The following FTCDNL1 variants were observed in gnomAD, a reference collection of about 807,000 sequenced individuals.
FTCDNL1 encodes formiminotransferase N-terminal subdomain-containing protein.
Under a neutral mutation model 5.9 loss-of-function variants are expected in FTCDNL1, and 11 were observed. The ratio of observed to expected loss-of-function variants is 1.87; its 90% CI spans 1.18 to 3.10. FTCDNL1 has a LOEUF of 3.10. Ranked by LOEUF, FTCDNL1 falls within the 30% of genes most tolerant of loss-of-function variation. The probability of loss-of-function intolerance (pLI) is 0.00; values close to 1 mark genes in which losing one functional copy is unlikely to be tolerated. For missense variants in FTCDNL1, 115 were observed against 65.5 expected, an observed-to-expected ratio of 1.76 and a Z score of -2.61; for synonymous variants, 58 against 24.8, an observed-to-expected ratio of 2.34 and a Z score of -3.99.
chr2:199,808,404 T>C (rs1416245824), downstream of FTCDNL1, among the ~76,000 whole-genome samples: 1 of 152,244 alleles, frequency 6.6e-6, no homozygotes, highest in Non-Finnish European at 1.5e-5. Context: ...TAAAACACAA[T>C]GTGCATAACA....
At chr2:199,696,559 A>T in the FTCDNL1 span, among the ~76,000 whole-genome samples, 2 of 152,070 alleles carry the variant, frequency 1.3e-5, no homozygotes, top group Admixed American at 1.3e-4. Flanking sequence ...GCCACCTGAA[A>T]TTGTGCAGAA....
the FTCDNL1 span, among the ~76,000 whole-genome samples, chr2:199,741,535 A>C: frequency 1.3e-5 from 2 of 152,204 alleles, no homozygotes; most frequent in Non-Finnish European, 2.9e-5. Flanking sequence ...CAGAATAATT[A>C]TTATACTTAC....
chr2:199,728,176 C>T, the FTCDNL1 span, among the ~76,000 whole-genome samples: 1 of 152,158 alleles, frequency 6.6e-6, no homozygotes, highest in Non-Finnish European at 1.5e-5. Flanking sequence ...AAATCACTTA[C>T]AATCTATTAG....
chr2:199,817,229 C>G (rs1404834179), intron 4 of FTCDNL1, among the ~76,000 whole-genome samples: 1 of 152,142 alleles, frequency 6.6e-6, no homozygotes, highest in African/African-American at 2.4e-5. Context: ...ATCTAGAATT[C>G]CTGAAAGGCA....
intron 3 of FTCDNL1, among the ~76,000 whole-genome samples, chr2:199,794,850 G>A (rs1453984459): frequency 6.6e-6 from 1 of 152,168 alleles, no homozygotes; most frequent in Non-Finnish European, 1.5e-5. Flanking sequence ...CTGCACTCCA[G>A]TCCAGCCTGG....
chr2:199,704,429 G>C, the FTCDNL1 span, among the ~76,000 whole-genome samples: 2 of 152,192 alleles, frequency 1.3e-5, no homozygotes, highest in African/African-American at 4.8e-5. Context: ...AGGGAAGACT[G>C]GGGGGAAGAG....
the FTCDNL1 span, among the ~76,000 whole-genome samples, chr2:199,692,088 G>A: frequency 6.6e-6 from 1 of 152,098 alleles, no homozygotes; most frequent in Non-Finnish European, 1.5e-5. Context: ...GACCAAGAAT[G>A]GCAAAAGATG....
the FTCDNL1 span, among the ~76,000 whole-genome samples, chr2:199,709,733 A>C: frequency 2.9e-4 from 44 of 152,204 alleles, 1 homozygote; most frequent in African/African-American, 1.1e-3. Context: ...GGAGGTGAGA[A>C]AGCAGAGACA....
the FTCDNL1 span, among the ~76,000 whole-genome samples, chr2:199,708,618 T>A: frequency 6.6e-6 from 1 of 152,124 alleles, no homozygotes; most frequent in Non-Finnish European, 1.5e-5. Context: ...TATAGCAGCC[T>A]TTTCTCCAGG....
At chr2:199,823,047 A>C (rs1450547842) in intron 3 of FTCDNL1, among the ~76,000 whole-genome samples, 1 of 152,100 alleles carries the variant, frequency 6.6e-6, no homozygotes, top group African/African-American at 2.4e-5. Context: ...GATGGGTTTC[A>C]CTATGTTGGC....
the FTCDNL1 span, among the ~76,000 whole-genome samples, chr2:199,745,130 T>C: frequency 2.6e-5 from 4 of 152,246 alleles, no homozygotes; most frequent in Admixed American, 6.5e-5. Context: ...CAAATGCAGA[T>C]TGCCACTTCA....
intron 3 of FTCDNL1, among the ~76,000 whole-genome samples, chr2:199,830,717 C>A (rs376223663): frequency 3.2e-4 from 48 of 152,278 alleles, no homozygotes; most frequent in African/African-American, 1.1e-3. Context: ...CGCAATATTC[C>A]TCCCCCACAT....
chr2:199,765,556 A>ATATTTTTTTTTTTTTTTTTTTTTTTTT, intron 3 of FTCDNL1, among the ~76,000 whole-genome samples: 3 of 42,664 alleles, frequency 7.0e-5, no homozygotes, highest in Middle Eastern at 0.022. Flanking sequence ...ATATATATAT[A>ATATTTTTTTTTTTTTTTTTTTTTTTTT]TTTTTTTTTT....
chr2:199,728,250 AC>A, the FTCDNL1 span, among the ~76,000 whole-genome samples: 1 of 150,202 alleles, frequency 6.7e-6, no homozygotes, highest in African/African-American at 2.5e-5. Context: ...TTCCATGGTA[AC>A]TTTTTTTTTT....
At chr2:199,706,202 A>G in the FTCDNL1 span, among the ~76,000 whole-genome samples, 2 of 152,184 alleles carry the variant, frequency 1.3e-5, no homozygotes, top group Non-Finnish European at 2.9e-5. Flanking sequence ...ACAACTGTTA[A>G]GACTTAGTTT....
At chr2:199,715,897 G>A in the FTCDNL1 span, among the ~76,000 whole-genome samples, 94 of 152,050 alleles carry the variant, frequency 6.2e-4, no homozygotes, top group Non-Finnish European at 1.2e-3. Flanking sequence ...GATTAATCCC[G>A]CTCTGAAAAA....
the FTCDNL1 span, among the ~76,000 whole-genome samples, chr2:199,751,512 A>C: frequency 2.0e-5 from 3 of 152,100 alleles, no homozygotes; most frequent in Non-Finnish European, 4.4e-5. Flanking sequence ...TATTATCATT[A>C]GTGCATATTT....
chr2:199,677,705 T>C, the FTCDNL1 span, among the ~76,000 whole-genome samples: 2 of 152,218 alleles, frequency 1.3e-5, no homozygotes, highest in African/African-American at 4.8e-5. Context: ...AGGAAGGTCA[T>C]ATAACCAAGG....
At position 199,819,607 on chromosome 2, in the gene FTCDNL1, A is replaced by C. The variant is rs1301833207; in HGVS notation, c.362T>G (p.Leu121Arg). 1 of 701,758 alleles carries C rather than the reference A, an allele frequency of 1.4e-6. No homozygotes were observed. The highest frequency in any genetic ancestry group is 2.7e-5 in the East Asian group (1 of 37,278). 43.5% of individuals were successfully genotyped at this position (701,758 alleles called of 1,614,324 possible). A position where few individuals can be genotyped will look rare whatever the true frequency, so the allele number is the denominator to read the frequency against. Residue 121 changes from leucine (L) to arginine (R), a missense_variant, in exon 4 of 5, where the codon CTG becomes CGG. Coordinates refer to ENST00000420128, the MANE Select transcript of FTCDNL1 (RefSeq NM_001363886.2). ...ACATCTTTGGGAAGGGGCAGCTCCCAGGTCAGGCTGAAGAGCACTGAAATC... is the reference window on the plus strand; with the variant it reads ...ACATCTTTGGGAAGGGGCAGCTCCCCGGTCAGGCTGAAGAGCACTGAAATC... ...RRDFSALQPD[L>R]GAAPSQRCGL...
Sources: gnomAD v4.1 joint callset for allele counts (sites outside exome capture counted in the v4.1 genomes callset) on GRCh38, gnomAD v4.1.1 for gene constraint, MANE v1.5 for transcripts, NCBI Gene and HGNC (gene_info 2026-07-23, HGNC 2026-07-21) for gene names.